PI4KA: variants seen among roughly 807,000 people sequenced by gnomAD.
PI4KA encodes the protein phosphatidylinositol 4-kinase alpha, also known as PI4-kinase alpha.
A neutral mutation model predicts 271.4 loss-of-function variants in PI4KA; 122 were observed. The ratio of observed to expected loss-of-function variants is 0.45; its 90% confidence interval spans 0.39 to 0.52. The LOEUF is 0.52. Ranked by LOEUF, PI4KA falls within the 20% of genes least tolerant of loss-of-function variation. The pLI is 0.00. For missense variants in PI4KA, 1,969 were observed against 2,769.1 expected (o/e 0.71, Z 6.48); for synonymous variants, 1,041 against 1,078.8 (o/e 0.96, Z 0.69).
Position 20,799,195 on chromosome 22 carries a change from C to T in PI4KA, c.1902G>A (p.Met634Ile). Residue 634 changes from methionine (M) to isoleucine (I), a missense_variant, in exon 16 of 55, where the codon ATG becomes ATA. Physicochemically the swap from Met to Ile is conservative, Grantham distance 10. Around this residue, in one of 13 missense-constraint regions of PI4KA, gnomAD observed 228 missense variants for 261.6 expected, o/e 0.87. Transcript: ENST00000255882. Reference protein sequence around the residue: ...AVALRDTPKVMEPILQILQQK... With the variant: ...AVALRDTPKVIEPILQILQQK... ...GCTGTAGGATCTGCAGAATGGGCTCCATGACCTTCGGGGTGTCCCTCAAGG... is the reference window on the plus strand; with the variant it reads ...GCTGTAGGATCTGCAGAATGGGCTCTATGACCTTCGGGGTGTCCCTCAAGG... The T allele has an allele frequency of 6.2e-7, 1 of 1,601,498 alleles. No homozygotes were observed. The highest frequency in any genetic ancestry group is 8.5e-7 in the Non-Finnish European group (1 of 1,173,732).
chr22:20,731,909 A>T (rs1928103901), intron 36 of PI4KA, among the ~76,000 whole-genome samples: 1 of 150,670 alleles, frequency 6.6e-6, no homozygotes, highest in Non-Finnish European at 1.5e-5. Flanking sequence ...AGCCTGGGCG[A>T]CAGAGTGAGA....
At chr22:20,748,988 T>TAATGAAA in intron 28 of PI4KA, among the ~76,000 whole-genome samples, 1 of 152,182 alleles carries the variant, frequency 6.6e-6, no homozygotes, top group African/African-American at 2.4e-5. Flanking sequence ...TCCATTTCCT[T>TAATGAAA]CTTAGGCCAG....
Position 20,764,901 on chromosome 22 carries a change from G to C in PI4KA, c.2624C>G (p.Pro875Arg). The C allele has an allele frequency of 6.2e-7, 1 of 1,612,890 alleles. No homozygotes were observed. Among genetic ancestry groups the C allele is most frequent in the Non-Finnish European group, 8.5e-7 (1 of 1,179,216 alleles). Residue 875 changes from proline to arginine, a missense_variant, in exon 22 of 55, where the codon CCT (proline) becomes CGT (arginine). By Grantham distance (103) the Pro-to-Arg change is moderately radical. Transcript: ENST00000255882. The part of the protein sequence containing the change: ...RSTIINLLDP[P>R]PEVSALINKL... The stretch of plus-strand genomic sequence containing the variant: ...GTTGATGAGTGCGGACACCTCGGGA[G>C]GGGGGTCCAGCAGGTTGATGATAGT...
intron 32 of PI4KA, among the ~76,000 whole-genome samples, chr22:20,739,074 A>T (rs368818594): frequency 6.9e-6 from 1 of 144,872 alleles, no homozygotes; most frequent in Admixed American, 6.8e-5. Context: ...GGCTGGGCGC[A>T]GTGGCTCACG....
intron 43 of PI4KA, among the ~76,000 whole-genome samples, chr22:20,719,601 G>A (rs1318878796): frequency 3.9e-5 from 6 of 151,912 alleles, no homozygotes; most frequent in African/African-American, 1.5e-4. Flanking sequence ...ACAACATATA[G>A]CTATTCAGAC....
chr22:20,755,328 G>C, intron 23 of PI4KA, among the ~76,000 whole-genome samples: 1 of 152,076 alleles, frequency 6.6e-6, no homozygotes, highest in East Asian at 1.9e-4. Flanking sequence ...CTTCTTTCTT[G>C]GCGTGTCCTT....
At chr22:20,727,889 G>A in intron 39 of PI4KA, 25 bp from the exon 40 acceptor site, 2 of 1,583,620 alleles carry the variant, frequency 1.3e-6, no homozygotes, top group Non-Finnish European at 1.7e-6. Context: ...GGGTATGGGT[G>A]GTGCTGCCTC....
Position 20,718,878 on chromosome 22 carries a change from G to A in PI4KA, c.5117-56C>T, listed in dbSNP as rs1274033496. On this transcript the variant is annotated intron_variant, in intron 43 of 54. Coordinates refer to ENST00000255882, the MANE Select transcript of PI4KA (RefSeq NM_058004.4). Reference sequence around the variant, plus strand: ...TGTGGCTGTGGCAGAGGCCCCTCAGGAATACCAGCCCTGTTTCCCAGGCCC... The same window carrying A: ...TGTGGCTGTGGCAGAGGCCCCTCAGAAATACCAGCCCTGTTTCCCAGGCCC... 4 of 1,588,914 alleles carry A rather than the reference G, an allele frequency of 2.5e-6. No homozygotes were observed. The African/African-American group carries it at 4.1e-5, about 16-fold the overall frequency.
At chr22:20,708,589 G>A (rs1256595912) in intron 54 of PI4KA, among the ~76,000 whole-genome samples, 2 of 129,568 alleles carry the variant, frequency 1.5e-5, no homozygotes, top group African/African-American at 6.8e-5. Context: ...ACGCTCCTCC[G>A]GCAGTTCCCC....
chr22:20,806,446 G>C (rs757719849), intron 10 of PI4KA, among the ~76,000 whole-genome samples: 12 of 152,074 alleles, frequency 7.9e-5, no homozygotes, highest in Non-Finnish European at 1.8e-4. Context: ...AAGGTGGGTG[G>C]ATCATTTGAG....
chr22:20,767,788 C>A (rs1389492863), intron 19 of PI4KA, among the ~76,000 whole-genome samples: 3 of 151,942 alleles, frequency 2.0e-5, no homozygotes, highest in African/African-American at 7.2e-5. Flanking sequence ...GCATGCACCA[C>A]TATGCTCAGC....
chr22:20,821,057 A>G (rs1407121692), intron 4 of PI4KA, among the ~76,000 whole-genome samples: 4 of 152,216 alleles, frequency 2.6e-5, no homozygotes, highest in African/African-American at 9.6e-5. Context: ...TGTAGTGCTC[A>G]GAATAAAATA....
intron 6 of PI4KA, among the ~76,000 whole-genome samples, chr22:20,818,953 CTGTAGGGTATT>C (rs903398657): frequency 2.6e-5 from 4 of 152,136 alleles, no homozygotes; most frequent in African/African-American, 9.7e-5. Context: ...TCAACACCAC[CTGTAGGGTATT>C]TGATGTTTGG....
intron 22 of PI4KA, 136 bp downstream of exon 22, chr22:20,764,681 T>G: frequency 1.2e-6 from 1 of 818,074 alleles, no homozygotes; most frequent in Non-Finnish European, 1.8e-6. Context: ...AAGTAGAGGG[T>G]GTTTTTGCTT....
At chr22:20,822,044 G>A (rs987430145) in intron 4 of PI4KA, among the ~76,000 whole-genome samples, 7 of 152,192 alleles carry the variant, frequency 4.6e-5, no homozygotes, top group Non-Finnish European at 7.3e-5. Flanking sequence ...GGAGGCTGAC[G>A]TGTGAGGGTC....
At chr22:20,778,273 G>C (rs1933461540) in intron 19 of PI4KA, among the ~76,000 whole-genome samples, 1 of 152,072 alleles carries the variant, frequency 6.6e-6, no homozygotes, top group Non-Finnish European at 1.5e-5. Context: ...GGCTGAGGTG[G>C]GTGGATCACC....
At chr22:20,826,876 C>T (rs1923490239) in intron 3 of PI4KA, among the ~76,000 whole-genome samples, 1 of 145,214 alleles carries the variant, frequency 6.9e-6, no homozygotes, top group African/African-American at 2.6e-5. Context: ...ATCTATTCGT[C>T]CTTGGCTCAC....
Position 20,858,599 on chromosome 22 carries a change from C to A in PI4KA, c.127G>T (p.Ala43Ser), listed in dbSNP as rs984417484. The change falls in exon 1 of 55, where the codon GCG (alanine) becomes TCG (serine). Residue 43 changes from alanine (A) to serine (S), a missense_variant. Ala to Ser is a moderately conservative substitution (Grantham distance 99). Coordinates refer to ENST00000255882, the MANE Select transcript of PI4KA (RefSeq NM_058004.4). ...NTVLSLARSL[A>S]VQRPASLEKV... ...TCCAAGGATGCTGGTCTCTGCACCG[C>A]CAGGGAGCGGGCCAGTGACAGGACC... The A allele has an allele frequency of 5.4e-6, 8 of 1,474,120 alleles. No homozygotes were observed. The East Asian group carries it at 1.2e-4, about 21-fold the overall frequency. 91.3% of individuals were successfully genotyped at this position (1,474,120 alleles called of 1,614,324 possible).
At chr22:20,815,294 C>T (rs561246956) in intron 7 of PI4KA, among the ~76,000 whole-genome samples, 2 of 147,080 alleles carry the variant, frequency 1.4e-5, no homozygotes, top group East Asian at 2.0e-4. Flanking sequence ...GGCAGGAAAA[C>T]TGCTTAAGCC....
Sources: gnomAD v4.1 joint callset for allele counts (sites outside exome capture counted in the v4.1 genomes callset) on GRCh38, gnomAD v4.1.1 for gene constraint, gnomAD v4.1.1 regional missense constraint, MANE v1.5 for transcripts, NCBI Gene and HGNC (gene_info 2026-07-23, HGNC 2026-07-21) for gene names.